Variants in TMEM106B observed in about 807,000 individuals in gnomAD.
TMEM106B encodes transmembrane protein 106B.
A neutral mutation model predicts 31.1 loss-of-function variants in TMEM106B; 15 were observed. That is an observed-to-expected ratio of 0.48 (90% confidence interval 0.32 to 0.74). The LOEUF (loss-of-function observed/expected upper bound fraction) is 0.74. TMEM106B is among the 30% of genes least tolerant of loss of function. The probability of loss-of-function intolerance (pLI) is 0.03; values close to 1 mark genes in which losing one functional copy is unlikely to be tolerated. For missense variants in TMEM106B, 283 were observed against 327.3 expected, an observed-to-expected ratio of 0.86 and a Z score of 1.04; for synonymous variants, 126 against 112.5, an observed-to-expected ratio of 1.12 and a Z score of -0.76.
chr7:12,227,793 G>T (rs1401027404), intron 4 of TMEM106B, among the ~76,000 whole-genome samples: 1 of 151,482 alleles, frequency 6.6e-6, no homozygotes, highest in African/African-American at 2.4e-5. Context: ...ACTACTCTGA[G>T]CAACAAATGT....
intron 2 of TMEM106B, among the ~76,000 whole-genome samples, chr7:12,217,741 T>A (rs1781714614): frequency 6.6e-6 from 1 of 152,060 alleles, no homozygotes; most frequent in Admixed American, 6.6e-5. Context: ...TCGGGGGAAA[T>A]AACAGAAGCA....
At chr7:12,230,222 G>GA (rs977471959) in intron 5 of TMEM106B, 167 bp from the exon 6 acceptor site, 30 of 660,944 alleles carry the variant, frequency 4.5e-5, no homozygotes, top group South Asian at 6.8e-5. Context: ...TCTCAAAAAA[G>GA]AAAAAAAAGA....
chr7:12,216,208 T>C (rs915334954), intron 2 of TMEM106B, among the ~76,000 whole-genome samples: 5 of 151,712 alleles, frequency 3.3e-5, no homozygotes, highest in Non-Finnish European at 5.9e-5. Context: ...GCTCAGGGGG[T>C]AGGGGAGTAC....
rs1031282249 is a variant in TMEM106B, at chr7:12,243,066, T to G, written c.*11091T>G. 5.3e-5 allele frequency: 8 copies of G among 152,076 alleles called. No individual in the cohort carries two copies. The highest frequency in any genetic ancestry group is 1.9e-4 in the African/African-American group (8 of 41,444). 9.4% of individuals were successfully genotyped at this position (152,076 alleles called of 1,614,324 possible). On this transcript the variant is annotated 3_prime_UTR_variant, in exon 8 of 8. Coordinates refer to ENST00000396668, the MANE Select transcript of TMEM106B (RefSeq NM_001134232.2). ...CATCATTAGATTTTTACAGAATCTT[T>G]AAAAAAGCTTTAATATTTTCAAGGT...
chr7:12,220,659 T>C (rs1474250763), intron 3 of TMEM106B, among the ~76,000 whole-genome samples: 2 of 152,218 alleles, frequency 1.3e-5, no homozygotes, highest in Non-Finnish European at 2.9e-5. Context: ...AGTATATTCA[T>C]TCCTTGCTAG....
intron 4 of TMEM106B, among the ~76,000 whole-genome samples, chr7:12,225,708 G>A (rs1011353333): frequency 2.0e-5 from 3 of 152,000 alleles, no homozygotes; most frequent in African/African-American, 7.2e-5. Context: ...CCCACTTTTT[G>A]ATGGGGTTGT....
intron 1 of TMEM106B, among the ~76,000 whole-genome samples, chr7:12,214,602 T>C (rs1004875895): frequency 6.6e-6 from 1 of 152,206 alleles, no homozygotes; most frequent in Non-Finnish European, 1.5e-5. Flanking sequence ...GTAACCCAAC[T>C]ACCTTGAGGA....
intron 4 of TMEM106B, 32 bp downstream of exon 4, chr7:12,224,417 C>A (rs772133626): frequency 6.4e-7 from 1 of 1,566,690 alleles, no homozygotes; most frequent in South Asian, 1.1e-5. Flanking sequence ...AAATGTTTAA[C>A]TTCATTCTTT....
chr7:12,212,522 C>T (rs1394201279), intron 1 of TMEM106B, among the ~76,000 whole-genome samples: 2 of 150,266 alleles, frequency 1.3e-5, no homozygotes, highest in Non-Finnish European at 3.0e-5. Flanking sequence ...GTGAAAATCT[C>T]ATTTTACATT....
chr7:12,224,444 A>T, intron 4 of TMEM106B, 59 bp downstream of exon 4: 1 of 1,407,768 alleles, frequency 7.1e-7, no homozygotes, highest in Non-Finnish European at 9.8e-7. Context: ...ATTAAGCAGC[A>T]CCTTTGTCCC....
At position 12,232,156 on chromosome 7, in the gene TMEM106B, A is replaced by C; in HGVS notation, c.*181A>C. 2.2e-6 allele frequency: 1 copy of C among 464,108 alleles called. No individual in the cohort carries two copies. Among genetic ancestry groups the C allele is most frequent in the Non-Finnish European group, 3.8e-6 (1 of 265,724 alleles). 28.7% of individuals were successfully genotyped at this position (464,108 alleles called of 1,614,324 possible). On this transcript the variant is annotated 3_prime_UTR_variant, in exon 8 of 8. Transcript: ENST00000396668. The stretch of plus-strand genomic sequence containing the variant: ...TAACTCTCCACTCTGTGTTAATGAT[A>C]TATTTGTACTAGGATCTTTTACTTG...
At chr7:12,225,836 G>C (rs1781890300) in intron 4 of TMEM106B, among the ~76,000 whole-genome samples, 1 of 152,018 alleles carries the variant, frequency 6.6e-6, no homozygotes, top group Non-Finnish European at 1.5e-5. Flanking sequence ...AGTTTCTTTT[G>C]CTATGCAGAA....
intron 4 of TMEM106B, among the ~76,000 whole-genome samples, chr7:12,229,132 A>C (rs5011436): frequency 0.51 from 77,081 of 151,826 alleles, 20,623 homozygotes; most frequent in African/African-American, 0.66. Flanking sequence ...TAACATTTTT[A>C]AATTTTTTAA....
Position 12,214,977 on chromosome 7 carries a change from G to T in TMEM106B, c.167G>T (p.Arg56Ile), listed in dbSNP as rs1193564382. 5.6e-6 allele frequency: 9 copies of T among 1,613,948 alleles called. No homozygotes were observed. The South Asian group carries it at 9.9e-5, about 18-fold the overall frequency. ...SQFPYVEFTGRDSVTCPTCQG... is the reference protein window; with the variant it reads ...SQFPYVEFTGIDSVTCPTCQG... ...TTTCCATATGTGGAATTTACAGGAA[G>T]AGATAGTGTCACCTGCCCTACTTGT... The change falls in exon 2 of 8, where the codon AGA becomes ATA. Residue 56 changes from arginine to isoleucine, a missense_variant. Physicochemically the swap from Arg to Ile is moderately conservative, Grantham distance 97. Coordinates refer to ENST00000396668, the MANE Select transcript of TMEM106B (RefSeq NM_001134232.2).
At chr7:12,231,784 A>T in intron 7 of TMEM106B, 53 bp from the exon 8 acceptor site, 9 of 1,462,572 alleles carry the variant, frequency 6.2e-6, no homozygotes, top group Non-Finnish European at 8.4e-6. Flanking sequence ...CTCACTATGG[A>T]AAAACTTCTA....
intron 3 of TMEM106B, among the ~76,000 whole-genome samples, chr7:12,220,222 G>T (rs78663549): frequency 0.076 from 11,620 of 152,138 alleles, 565 homozygotes; most frequent in South Asian, 0.16. Flanking sequence ...AGGAAATTAG[G>T]ATTAATCCCT....
At chr7:12,214,733 A>T (rs958724998) in intron 1 of TMEM106B, 76 bp from the exon 2 acceptor site, 4 of 1,148,474 alleles carry the variant, frequency 3.5e-6, no homozygotes, top group Non-Finnish European at 4.8e-6. Flanking sequence ...TAAATTAATT[A>T]GTGTAAATAT....
chr7:12,219,039 T>TA (rs35982495), intron 3 of TMEM106B, among the ~76,000 whole-genome samples: 77,090 of 151,956 alleles, frequency 0.51, 20,600 homozygotes, highest in African/African-American at 0.66. Flanking sequence ...TTGCATGCTC[T>TA]AGCTTGGAGA....
intron 3 of TMEM106B, 90 bp downstream of exon 3, chr7:12,218,611 A>G: frequency 9.5e-7 from 1 of 1,051,038 alleles, no homozygotes; most frequent in South Asian, 1.6e-5. Context: ...AGTTAAAACT[A>G]TTAAAAGAAA....
Sources: gnomAD v4.1 joint callset for allele counts (sites outside exome capture counted in the v4.1 genomes callset) on GRCh38, gnomAD v4.1.1 for gene constraint, MANE v1.5 for transcripts, NCBI Gene and HGNC (gene_info 2026-07-23, HGNC 2026-07-21) for gene names.